The following PTGER4 variants were observed in gnomAD, a reference collection of about 807,000 sequenced individuals.
PTGER4 encodes the protein prostaglandin E receptor 4, also known as prostaglandin E2 receptor EP4 subtype.
In PTGER4, 11 loss-of-function variants were observed where a neutral mutation model predicts 33.2. That is an observed-to-expected ratio of 0.33 (90% confidence interval 0.21 to 0.55). The LOEUF (loss-of-function observed/expected upper bound fraction) is 0.55, where lower values mean the gene tolerates loss of function less well. PTGER4 is among the 20% of genes least tolerant of loss of function. The probability of loss-of-function intolerance (pLI) is 0.92; values close to 1 mark genes in which losing one functional copy is unlikely to be tolerated. For synonymous variants in PTGER4, 275 were observed against 281.5 expected (o/e 0.98, Z 0.23); for missense variants, 481 against 650.2 (o/e 0.74, Z 2.83).
At position 40,692,861 on chromosome 5, in the gene PTGER4, T is replaced by C. The variant is rs1260822860; in HGVS notation, c.*483T>C. On this transcript the variant is annotated 3_prime_UTR_variant, in exon 3 of 3. Transcript: ENST00000302472. ...AAGGTATTTAAAGTATTTTCTTCTC[T>C]GTGAGAAGGTTTATTGTTAATACAA... 1 of 983,844 alleles carries C rather than the reference T, an allele frequency of 1.0e-6. No individual in the cohort carries two copies. Among genetic ancestry groups the C allele is most frequent in the Non-Finnish European group, 1.2e-6 (1 of 828,044 alleles). 60.9% of individuals were successfully genotyped at this position (983,844 alleles called of 1,614,324 possible).
Position 40,680,264 on chromosome 5 carries a change from C to G in PTGER4, c.-258C>G, listed in dbSNP as rs1290634841. 6.6e-6 allele frequency: 1 copy of G among 152,624 alleles called. No homozygotes were observed. The highest frequency in any genetic ancestry group is 2.4e-5 in the African/African-American group (1 of 41,482). 9.5% of individuals were successfully genotyped at this position (152,624 alleles called of 1,614,324 possible). A position where few individuals can be genotyped will look rare whatever the true frequency, so the allele number is the denominator to read the frequency against. On this transcript the variant is annotated 5_prime_UTR_variant, in exon 1 of 3. Transcript: ENST00000302472. The surrounding 1 kb of genome is among the most constrained non-coding windows in gnomAD (Gnocchi z 5.5). ...CAGCACCATTCTTCACTGACCCATC[C>G]CGCTGCACCTCTTGTTTCCCAAGTT...
At chr5:40,697,162 AAAG>A (rs1354996786), downstream of PTGER4, among the ~76,000 whole-genome samples, 11 of 149,506 alleles carry the variant, frequency 7.4e-5, no homozygotes, top group African/African-American at 2.0e-4. Flanking sequence ...GAAAGAAAGA[AAAG>A]AAAGAAAGGA....
At chr5:40,734,990 A>T in the PTGER4 span, among the ~76,000 whole-genome samples, 4 of 152,220 alleles carry the variant, frequency 2.6e-5, no homozygotes, top group African/African-American at 9.6e-5. Flanking sequence ...GACCTGAGTG[A>T]CAAAACGTGG....
chr5:40,686,531 A>G (rs916122210), intron 2 of PTGER4, among the ~76,000 whole-genome samples: 10 of 152,248 alleles, frequency 6.6e-5, no homozygotes, highest in African/African-American at 2.4e-4. Context: ...AATAATTTGT[A>G]CATACGTTAT....
chr5:40,727,637 T>C, the PTGER4 span, among the ~76,000 whole-genome samples: 2 of 152,358 alleles, frequency 1.3e-5, no homozygotes, highest in East Asian at 3.9e-4. Context: ...ACTGTCTTCC[T>C]TCCCCTGTAT....
chr5:40,692,538 G>C lies in PTGER4; in HGVS notation c.*160G>C, dbSNP rs1741500203. The C allele has an allele frequency of 2.8e-6, 4 of 1,427,710 alleles. No individual in the cohort carries two copies. Among genetic ancestry groups the C allele is most frequent in the Non-Finnish European group, 3.7e-6 (4 of 1,095,812 alleles). The allele number at this position is 1,427,710 out of a possible 1,614,324, so 88.4% of individuals were successfully genotyped here. On this transcript the variant is annotated 3_prime_UTR_variant, in exon 3 of 3. Coordinates refer to ENST00000302472, the MANE Select transcript of PTGER4 (RefSeq NM_000958.3). ...TTTTGAGCACTTTTCAAACAATCAA[G>C]TTGACTCACGTGGGTCCTGAGGCCT...
chr5:40,717,058 G>C, the PTGER4 span, among the ~76,000 whole-genome samples: 14 of 151,988 alleles, frequency 9.2e-5, no homozygotes, highest in East Asian at 2.7e-3. Context: ...GTGAAACCCT[G>C]TCTCTACTAA....
chr5:40,723,296 T>G, the PTGER4 span, among the ~76,000 whole-genome samples: 6 of 152,094 alleles, frequency 3.9e-5, no homozygotes, highest in Admixed American at 2.0e-4. Flanking sequence ...ACAAACACTG[T>G]GGAAGGCCGC....
the PTGER4 span, among the ~76,000 whole-genome samples, chr5:40,714,032 A>G: frequency 2.0e-5 from 3 of 152,144 alleles, no homozygotes; most frequent in Non-Finnish European, 4.4e-5. Context: ...TATGTCTTAT[A>G]TCTGGGTAAG....
chr5:40,716,242 A>G, the PTGER4 span: 1 of 1,614,182 alleles, frequency 6.2e-7, no homozygotes, highest in Non-Finnish European at 8.5e-7. Flanking sequence ...CACAATAACC[A>G]TTGTTTTATT....
the PTGER4 span, among the ~76,000 whole-genome samples, chr5:40,710,361 T>C: frequency 1.3e-5 from 2 of 151,940 alleles, no homozygotes; most frequent in African/African-American, 4.8e-5. Context: ...GAAATGCAAA[T>C]CAAAACCACA....
downstream of PTGER4, chr5:40,696,516 TG>T (rs768478400): frequency 4.9e-5 from 11 of 224,202 alleles, no homozygotes; most frequent in Non-Finnish European, 8.2e-5. Context: ...GGGGTTTCTC[TG>T]GGCTACAGCT....
the PTGER4 span, among the ~76,000 whole-genome samples, chr5:40,721,949 C>T: frequency 1.3e-5 from 2 of 152,122 alleles, no homozygotes; most frequent in Non-Finnish European, 2.9e-5. Flanking sequence ...GCCAAAAAAC[C>T]TAGTAACCTG....
chr5:40,701,250 T>C, the PTGER4 span, among the ~76,000 whole-genome samples: 3 of 152,180 alleles, frequency 2.0e-5, no homozygotes, highest in South Asian at 6.2e-4. Context: ...TTCAGTAAGA[T>C]GGCAAAACCA....
At chr5:40,710,893 C>T in the PTGER4 span, among the ~76,000 whole-genome samples, 472 of 152,110 alleles carry the variant, frequency 3.1e-3, 3 homozygotes, top group Middle Eastern at 6.8e-3. Flanking sequence ...CACTTGGACA[C>T]AGGGCAGGGA....
the PTGER4 span, among the ~76,000 whole-genome samples, chr5:40,703,115 G>A: frequency 6.6e-6 from 1 of 151,720 alleles, no homozygotes; most frequent in Admixed American, 6.6e-5. Context: ...TAGAGAAGCA[G>A]AACAAATCAA....
chr5:40,732,305 C>A, the PTGER4 span, among the ~76,000 whole-genome samples: 2 of 152,146 alleles, frequency 1.3e-5, no homozygotes, highest in African/African-American at 4.8e-5. Context: ...GGGTGAGCCA[C>A]CATGCCTAGC....
chr5:40,738,995 C>A, the PTGER4 span, among the ~76,000 whole-genome samples: 1 of 152,142 alleles, frequency 6.6e-6, no homozygotes, highest in Non-Finnish European at 1.5e-5. Context: ...CAGCCTGTGG[C>A]CTGACTTTTC....
chr5:40,689,110 AT>A (rs1298800353), intron 2 of PTGER4, among the ~76,000 whole-genome samples: 2 of 152,252 alleles, frequency 1.3e-5, no homozygotes, highest in Non-Finnish European at 2.9e-5. Context: ...GAACATAGGA[AT>A]ATTCACTCTA....
Sources: allele counts gnomAD v4.1 joint callset (sites outside exome capture counted in the v4.1 genomes callset), GRCh38; gene constraint gnomAD v4.1.1; non-coding constraint Gnocchi (gnomAD v3.1); transcripts MANE v1.5; gene names NCBI Gene and HGNC (gene_info 2026-07-23, HGNC 2026-07-21).